The following GCLC variants were observed in gnomAD, a reference collection of about 807,000 sequenced individuals.
The protein encoded by GCLC is glutamate-cysteine ligase catalytic subunit, also known as glutamate--cysteine ligase catalytic subunit.
In GCLC, 30 loss-of-function variants were observed where a neutral mutation model predicts 81.5. That is an observed-to-expected ratio of 0.37 (90% confidence interval 0.28 to 0.50). GCLC has a LOEUF of 0.50. GCLC is among the 20% of genes least tolerant of loss of function. The pLI, the probability that GCLC is intolerant of heterozygous loss-of-function variation, is 0.96. For missense variants in GCLC, 556 were observed against 777.4 expected (o/e 0.72, Z 3.39); for synonymous variants, 262 against 273.3 (o/e 0.96, Z 0.41).
At chr6:53,502,307 A>G (rs1764529212) in intron 12 of GCLC, among the ~76,000 whole-genome samples, 1 of 152,214 alleles carries the variant, frequency 6.6e-6, no homozygotes, top group Non-Finnish European at 1.5e-5. Flanking sequence ...GTACTCTGTT[A>G]AGTGGTTTAC....
chr6:53,502,823 T>C (rs991252464), intron 12 of GCLC, among the ~76,000 whole-genome samples: 1 of 152,194 alleles, frequency 6.6e-6, no homozygotes, highest in African/African-American at 2.4e-5. Flanking sequence ...GTTTCATCAC[T>C]CCCCTGGCCC....
intron 1 of GCLC, among the ~76,000 whole-genome samples, chr6:53,524,818 G>C (rs1304663217): frequency 2.0e-5 from 3 of 152,148 alleles, no homozygotes; most frequent in Non-Finnish European, 4.4e-5. Flanking sequence ...AACTTTAATT[G>C]TTAGTTTCCT....
At chr6:53,500,993 CCAA>C (rs1561937447) in intron 12 of GCLC, 1 of 220,764 alleles carries the variant, frequency 4.5e-6, no homozygotes, top group Non-Finnish European at 9.1e-6. Context: ...TCATCTCACC[CCAA>C]CCTCTGTCTC....
intron 6 of GCLC, among the ~76,000 whole-genome samples, chr6:53,511,791 T>C (rs1464693839): frequency 2.3e-5 from 2 of 85,470 alleles, no homozygotes; most frequent in African/African-American, 4.6e-5. Flanking sequence ...AGGAAACTGA[T>C]GGGGGTGGGG....
chr6:53,540,741 C>T (rs1470923975), intron 1 of GCLC, among the ~76,000 whole-genome samples: 1 of 151,222 alleles, frequency 6.6e-6, no homozygotes, highest in Admixed American at 6.6e-5. Flanking sequence ...TGTATGTCAA[C>T]CCACTACTGA....
chr6:53,507,992 C>G (rs1366429869), intron 8 of GCLC, among the ~76,000 whole-genome samples: 1 of 152,110 alleles, frequency 6.6e-6, no homozygotes, highest in African/African-American at 2.4e-5. Flanking sequence ...AATTTATGAA[C>G]AATTACATGA....
intron 4 of GCLC, among the ~76,000 whole-genome samples, chr6:53,515,397 C>T (rs1206002627): frequency 6.6e-6 from 1 of 152,194 alleles, no homozygotes; most frequent in Non-Finnish European, 1.5e-5. Context: ...TTTTATTTTC[C>T]TTTAAACACA....
intron 1 of GCLC, among the ~76,000 whole-genome samples, chr6:53,527,910 G>T (rs1203490022): frequency 2.0e-5 from 3 of 152,208 alleles, no homozygotes; most frequent in African/African-American, 7.2e-5. Context: ...CAAAGACGCA[G>T]ATCACTGCAT....
intron 1 of GCLC, among the ~76,000 whole-genome samples, chr6:53,530,151 C>T (rs1763147724): frequency 6.6e-6 from 1 of 152,198 alleles, no homozygotes; most frequent in Non-Finnish European, 1.5e-5. Flanking sequence ...AATTCTAAGT[C>T]CAAAGTGACT....
Position 53,506,960 on chromosome 6 carries a change from C to T in GCLC, c.1150G>A (p.Glu384Lys). The T allele has an allele frequency of 1.2e-6, 2 of 1,611,048 alleles. No homozygotes were observed. The highest frequency in any genetic ancestry group is 1.7e-6 in the Non-Finnish European group (2 of 1,177,232). The change falls in exon 10 of 16, where the codon GAA becomes AAA. Residue 384 changes from glutamate to lysine, a missense_variant. Transcript: ENST00000650454. This position sits in a 1 kb window ranked among gnomAD's most constrained non-coding sequence, Gnocchi z 4.0. The stretch of plus-strand genomic sequence containing the variant: ...GCATCATCCAGGTGTATTTTCTCTT[C>T]AAACAGTGTCAGTGGGTCTCTAATA... ...LFIRDPLTLF[E>K]EKIHLDDANE...
At chr6:53,542,680 C>T (rs1763378210) in intron 1 of GCLC, among the ~76,000 whole-genome samples, 1 of 152,120 alleles carries the variant, frequency 6.6e-6, no homozygotes, top group Non-Finnish European at 1.5e-5. Flanking sequence ...CTACCAAAGA[C>T]TTGAACTGCC....
Position 53,544,952 on chromosome 6 carries a change from TGCG to T in GCLC, c.-310_-308del. On this transcript the variant is annotated 5_prime_UTR_variant, in exon 1 of 16. Transcript: ENST00000650454. ...CCCGCTGCTCCTCCTCCCGCTCCGA[TGCG>T]GCGGCGGCGGACCCCACGGCCGCGC... 6.5e-5 allele frequency: 14 copies of T among 214,026 alleles called. No homozygotes were observed. Among genetic ancestry groups the T allele is most frequent in the South Asian group, 1.7e-4 (1 of 6,020 alleles). 13.3% of individuals were successfully genotyped at this position (214,026 alleles called of 1,614,324 possible). A position where few individuals can be genotyped will look rare whatever the true frequency, so the allele number is the denominator to read the frequency against.
At chr6:53,508,569 G>A (rs1465707984) in intron 8 of GCLC, 26 bp downstream of exon 8, 1 of 1,293,440 alleles carries the variant, frequency 7.7e-7, no homozygotes, top group Non-Finnish European at 1.1e-6. Context: ...GACTTAAAAG[G>A]GCTATTAAGG....
Position 53,497,738 on chromosome 6 carries a change from T to G in GCLC, c.*1018A>C, listed in dbSNP as rs1764399713. On this transcript the variant is annotated 3_prime_UTR_variant, in exon 16 of 16. Transcript: ENST00000650454. ...CATTTAGGGTCCTGATTTACAAAACTCAGTGCCTTTCATGATTTATTGATG... is the reference window on the plus strand; with the variant it reads ...CATTTAGGGTCCTGATTTACAAAACGCAGTGCCTTTCATGATTTATTGATG... 1 of 152,650 alleles carries G rather than the reference T, an allele frequency of 6.6e-6. No homozygotes were observed. The highest frequency in any genetic ancestry group is 1.9e-4 in the East Asian group (1 of 5,204). 9.5% of individuals were successfully genotyped at this position (152,650 alleles called of 1,614,324 possible).
chr6:53,502,947 G>C (rs948487474), intron 12 of GCLC, among the ~76,000 whole-genome samples: 2 of 152,164 alleles, frequency 1.3e-5, no homozygotes, highest in African/African-American at 4.8e-5. Context: ...TTTCCTTAAA[G>C]AGGTAGTTTT....
At chr6:53,515,518 C>T (rs907268022) in intron 4 of GCLC, among the ~76,000 whole-genome samples, 4 of 152,228 alleles carry the variant, frequency 2.6e-5, no homozygotes, top group African/African-American at 7.2e-5. Flanking sequence ...GAGAAGTCTC[C>T]ATGTTCCCAC....
intron 1 of GCLC, among the ~76,000 whole-genome samples, chr6:53,525,602 T>G (rs771986154): frequency 6.6e-6 from 1 of 152,226 alleles, no homozygotes; most frequent in African/African-American, 2.4e-5. Flanking sequence ...ATCAGCTTAC[T>G]AACTTTGAAT....
In GCLC at chr6:53,544,995, C is replaced by T. The variant is rs1279563496; in HGVS notation, c.-350G>A. The stretch of plus-strand genomic sequence containing the variant: ...CACGGCCGCGCTGCCGCGGCGGCTC[C>T]CGCTTCTCTTTGCCGGTCTGGTGCA... On this transcript the variant is annotated 5_prime_UTR_variant, in exon 1 of 16. Transcript: ENST00000650454. 5.4e-6 allele frequency: 1 copy of T among 183,508 alleles called. No individual in the cohort carries two copies. The highest frequency in any genetic ancestry group is 6.2e-5 in the Admixed American group (1 of 16,006). The allele number at this position is 183,508 out of a possible 1,614,324, so 11.4% of individuals were successfully genotyped here.
rs535253767 is a variant in GCLC at position 53,517,809 on chromosome 6, G to A, written c.447-1587C>T. The stretch of plus-strand genomic sequence containing the variant: ...TAATATCTCCACTATCCAAACCGAT[G>A]TGGTAGTCACTAACCACGTGGCTAC... On this transcript the variant is annotated intron_variant, in intron 3 of 15. Coordinates refer to ENST00000650454, the MANE Select transcript of GCLC (RefSeq NM_001498.4). Among the ~76,000 whole-genome samples, 8 of 152,324 alleles carry A rather than the reference G, an allele frequency of 5.3e-5. No individual in the cohort carries two copies. The South Asian group carries it at 1.7e-3, about 32-fold the overall frequency.
Sources: gnomAD v4.1 joint callset for allele counts (sites outside exome capture counted in the v4.1 genomes callset) on GRCh38, gnomAD v4.1.1 for gene constraint, Gnocchi (gnomAD v3.1) non-coding constraint, MANE v1.5 for transcripts, NCBI Gene and HGNC (gene_info 2026-07-23, HGNC 2026-07-21) for gene names.